The following LMO3 variants were observed in gnomAD, a reference collection of about 807,000 sequenced individuals.
LMO3 encodes LIM domain only protein 3.
LMO3 carries 2 observed loss-of-function variants against 15.8 expected under a neutral mutation model. The observed-to-expected ratio is 0.13, with a 90% confidence interval of 0.05 to 0.40. The LOEUF is 0.40. Ranked by LOEUF, LMO3 falls within the 10% of genes least tolerant of loss-of-function variation. The pLI is 0.99. For synonymous variants in LMO3, 62 were observed against 63.8 expected (o/e 0.97, Z 0.13); for missense variants, 86 against 182.2 (o/e 0.47, Z 3.04).
At chr12:16,553,826 G>C (rs1000149954) in intron 3 of LMO3, among the ~76,000 whole-genome samples, 4 of 150,690 alleles carry the variant, frequency 2.7e-5, no homozygotes, top group Admixed American at 2.6e-4. Context: ...CTAATTTCCA[G>C]TGTGATTTAA....
intron 3 of LMO3, among the ~76,000 whole-genome samples, chr12:16,553,932 C>T (rs533357432): frequency 6.6e-6 from 1 of 151,274 alleles, no homozygotes; most frequent in Admixed American, 6.6e-5. Context: ...TATTAACAGG[C>T]TACAATTACT....
At chr12:16,600,971 A>G in intron 1 of LMO3, 103 bp from the exon 2 acceptor site, 1 of 896,360 alleles carries the variant, frequency 1.1e-6, no homozygotes, top group Non-Finnish European at 1.7e-6. Context: ...TAGGAGTGTT[A>G]GCTTTTCTTG....
At chr12:16,558,046 T>C (rs1942258659) in intron 3 of LMO3, among the ~76,000 whole-genome samples, 1 of 151,986 alleles carries the variant, frequency 6.6e-6, no homozygotes, top group Non-Finnish European at 1.5e-5. Flanking sequence ...AAAGCTGAAC[T>C]CAGAAAAGCT....
intron 2 of LMO3, among the ~76,000 whole-genome samples, chr12:16,567,136 CA>C (rs1205578036): frequency 6.6e-6 from 1 of 152,068 alleles, no homozygotes; most frequent in Non-Finnish European, 1.5e-5. Flanking sequence ...GCGGAGGTTG[CA>C]GTGAGCTGAG....
intron 2 of LMO3, among the ~76,000 whole-genome samples, chr12:16,572,364 A>G (rs1312771995): frequency 3.4e-5 from 1 of 29,006 alleles, no homozygotes; most frequent in African/African-American, 8.1e-5. Flanking sequence ...TTTTTTTTGT[A>G]AAGAGCTGTT....
intron 2 of LMO3, among the ~76,000 whole-genome samples, chr12:16,572,483 T>A (rs1228796723): frequency 6.7e-6 from 1 of 150,008 alleles, no homozygotes; most frequent in Non-Finnish European, 1.5e-5. Flanking sequence ...CCTTTAGGAC[T>A]TATTATTTGA....
In LMO3 at chr12:16,560,201, T is replaced by C. The variant is rs1008814535; in HGVS notation, c.332+212A>G. On this transcript the variant is annotated intron_variant, in intron 3 of 3. Transcript: ENST00000537304. This position sits in a 1 kb window ranked among gnomAD's most constrained non-coding sequence, Gnocchi z 5.0. ...AGTGTTTCCATTTTCTGTTACTTGC[T>C]CTTATATGATGCTTTTCTTTCAGGT... is the stretch of plus-strand genomic sequence containing the variant. Among the ~76,000 whole-genome samples, 40 of 152,176 alleles carry C rather than the reference T, an allele frequency of 2.6e-4. No individual in the cohort carries two copies. The highest frequency in any genetic ancestry group is 9.7e-4 in the African/African-American group (40 of 41,438).
chr12:16,560,508 G>A lies in LMO3; in HGVS notation c.237C>T (p.Ala79=), dbSNP rs932050919. 5 of 1,613,636 alleles carry A rather than the reference G, an allele frequency of 3.1e-6. No individual in the cohort carries two copies. Among genetic ancestry groups the A allele is most frequent in the Non-Finnish European group, 4.2e-6 (5 of 1,179,808 alleles). ...CAAAGGCAGGGATGAGCTTACTACAGGCAGCGCAGTTTCCCGTTACACCAA... is the reference window on the plus strand; with the variant it reads ...CAAAGGCAGGGATGAGCTTACTACAAGCAGCGCAGTTTCCCGTTACACCAA... ...RLFGVTGNCA[A]CSKLIPAFEM... The change falls in exon 3 of 4, where the codon GCC becomes GCT. Residue 79 remains alanine (A), a synonymous_variant. Coordinates refer to ENST00000537304, the MANE Select transcript of LMO3 (RefSeq NM_018640.5). This position sits in a 1 kb window ranked among gnomAD's most constrained non-coding sequence, Gnocchi z 5.0.
chr12:16,563,158 G>A (rs1942463615), intron 2 of LMO3, among the ~76,000 whole-genome samples: 1 of 152,146 alleles, frequency 6.6e-6, no homozygotes, highest in Non-Finnish European at 1.5e-5. Flanking sequence ...AATCTTACAA[G>A]GGAACATTTT....
rs1274553850 is a variant in LMO3 at position 16,598,648 on chromosome 12, A to G, written c.206+2007T>C. ...TACAAAAACTTCTGATATGAAAACTATTTTTGATAAATGCGTTTTAGCAAA... is the reference window on the plus strand; with the variant it reads ...TACAAAAACTTCTGATATGAAAACTGTTTTTGATAAATGCGTTTTAGCAAA... On this transcript the variant is annotated intron_variant, in intron 2 of 3. Transcript: ENST00000537304. The surrounding 1 kb of genome is among the most constrained non-coding windows in gnomAD (Gnocchi z 4.3). The G allele has an allele frequency of 6.5e-6, 1 of 153,640 alleles. No homozygotes were observed. The highest frequency in any genetic ancestry group is 2.0e-4 in the South Asian group (1 of 5,002). The allele number at this position is 153,640 out of a possible 1,614,324, so 9.5% of individuals were successfully genotyped here.
At chr12:16,605,793 T>C in intron 1 of LMO3, 3 of 1,535,532 alleles carry the variant, frequency 2.0e-6, no homozygotes, top group South Asian at 1.2e-5. Flanking sequence ...CCGCAGCCGC[T>C]CTCCCTCCTT....
At position 16,606,085 on chromosome 12, in the gene LMO3, A is replaced by G. The variant is rs1943987201; in HGVS notation, c.-28T>C. The G allele has an allele frequency of 1.6e-5, 6 of 377,846 alleles. No homozygotes were observed. Among genetic ancestry groups the G allele is most frequent in the South Asian group, 6.8e-5 (2 of 29,226 alleles). 23.4% of individuals were successfully genotyped at this position (377,846 alleles called of 1,614,324 possible). On this transcript the variant is annotated 5_prime_UTR_variant, in exon 1 of 4. Coordinates refer to ENST00000537304, the MANE Select transcript of LMO3 (RefSeq NM_018640.5). ...ACTTACCTTCTCAATTAAGCGATAC[A>G]GGGGGAGGCCGTTCAGTAAGCACAG...
chr12:16,551,116 A>G lies in LMO3; in HGVS notation c.*106T>C, dbSNP rs1212665429. The G allele has an allele frequency of 2.7e-6, 2 of 737,900 alleles. No homozygotes were observed. Among genetic ancestry groups the G allele is most frequent in the Non-Finnish European group, 4.8e-6 (2 of 417,690 alleles). The allele number at this position is 737,900 out of a possible 1,614,324, so 45.7% of individuals were successfully genotyped here. A position where few individuals can be genotyped will look rare whatever the true frequency, so the allele number is the denominator to read the frequency against. On this transcript the variant is annotated 3_prime_UTR_variant, in exon 4 of 4. Transcript: ENST00000537304. ...CCATATAACCATCCTGCCTTCCTAT[A>G]TCTACGCTATTCAGTAGGTTCCTGT... is the stretch of plus-strand genomic sequence containing the variant.
chr12:16,609,731 T>C (rs561012497), upstream of LMO3: 26 of 152,206 alleles, frequency 1.7e-4, no homozygotes, highest in Admixed American at 3.3e-4. Context: ...ATATACTACT[T>C]ACCTTTGCCC....
intron 2 of LMO3, among the ~76,000 whole-genome samples, chr12:16,568,114 G>A (rs1445180324): frequency 6.6e-6 from 1 of 152,160 alleles, no homozygotes; most frequent in Non-Finnish European, 1.5e-5. Flanking sequence ...AAGAGATCTT[G>A]GTGAAAGTTA....
chr12:16,567,871 TC>T (rs1391077905), intron 2 of LMO3, among the ~76,000 whole-genome samples: 1 of 152,144 alleles, frequency 6.6e-6, no homozygotes, highest in Admixed American at 6.6e-5. Flanking sequence ...TCAAGCCCAC[TC>T]AGAGGGCTCA....
chr12:16,583,731 A>G (rs533141777), intron 2 of LMO3, among the ~76,000 whole-genome samples: 53 of 152,324 alleles, frequency 3.5e-4, no homozygotes, highest in African/African-American at 1.2e-3. Context: ...AAAGGGTAGC[A>G]TACCCATGGC....
At chr12:16,605,076 A>C in intron 1 of LMO3, 1 of 1,466,922 alleles carries the variant, frequency 6.8e-7, no homozygotes, top group Non-Finnish European at 9.0e-7. Context: ...GGGTGGGGGA[A>C]GGGATGAGGA....
chr12:16,598,935 A>G lies in LMO3; in HGVS notation c.206+1720T>C. On this transcript the variant is annotated intron_variant, in intron 2 of 3. Coordinates refer to ENST00000537304, the MANE Select transcript of LMO3 (RefSeq NM_018640.5). This position sits in a 1 kb window ranked among gnomAD's most constrained non-coding sequence, Gnocchi z 4.3. ...ATTGCCCGGGCTATATAAACTCCTT[A>G]TTTGAAATGGTAACATAAATCCACT... 3.1e-6 allele frequency: 1 copy of G among 318,258 alleles called. No homozygotes were observed. The highest frequency in any genetic ancestry group is 2.7e-5 in the South Asian group (1 of 37,122). 19.7% of individuals were successfully genotyped at this position (318,258 alleles called of 1,614,324 possible).
Sources: allele counts gnomAD v4.1 joint callset (sites outside exome capture counted in the v4.1 genomes callset), GRCh38; gene constraint gnomAD v4.1.1; non-coding constraint Gnocchi (gnomAD v3.1); transcripts MANE v1.5; gene names NCBI Gene and HGNC (gene_info 2026-07-23, HGNC 2026-07-21).